The following ALPK2 variants were observed in gnomAD, a reference collection of about 807,000 sequenced individuals.
ALPK2 encodes the protein alpha kinase 2, also known as alpha-protein kinase 2.
A neutral mutation model predicts 163.1 loss-of-function variants in ALPK2; 127 were observed. The ratio of observed to expected loss-of-function variants is 0.78; its 90% confidence interval spans 0.67 to 0.90. The LOEUF is 0.90. ALPK2 is among the 40% of genes least tolerant of loss of function. The probability of loss-of-function intolerance (pLI) is 0.00; values close to 1 mark genes in which losing one functional copy is unlikely to be tolerated. For synonymous variants in ALPK2, 953 were observed against 959.1 expected (o/e 0.99, Z 0.12); for missense variants, 2,360 against 2,589.6 (o/e 0.91, Z 1.92).
rs748454585 is a variant in ALPK2 at position 58,491,867 on chromosome 18, G to A, written c.6296+6182C>T. ...CAGGTAATTGAGGTGAGGGAGAAGCGCGTCAGCATTCCCACTAGGTACAGG... is the reference window on the plus strand; with the variant it reads ...CAGGTAATTGAGGTGAGGGAGAAGCACGTCAGCATTCCCACTAGGTACAGG... On this transcript the variant is annotated intron_variant, in intron 12 of 12. Transcript: ENST00000361673. 3.9e-5 allele frequency among the ~76,000 whole-genome samples: 6 copies of A among 152,244 alleles called. No homozygotes were observed. The East Asian group carries it at 5.8e-4, about 15-fold the overall frequency.
chr18:58,512,964 GGTGT>G (rs1467619728), intron 10 of ALPK2, among the ~76,000 whole-genome samples: 5 of 136,804 alleles, frequency 3.7e-5, no homozygotes, highest in South Asian at 4.9e-4. Context: ...TTGTATGTGT[GGTGT>G]GTGTATGTGT....
At chr18:58,543,869 C>G (rs1458298944) in intron 4 of ALPK2, among the ~76,000 whole-genome samples, 2 of 152,168 alleles carry the variant, frequency 1.3e-5, no homozygotes, top group East Asian at 3.8e-4. Flanking sequence ...CCTTTCCAAC[C>G]CAGCATTTCT....
intron 10 of ALPK2, among the ~76,000 whole-genome samples, chr18:58,509,375 T>C (rs2051477968): frequency 6.6e-6 from 1 of 152,108 alleles, no homozygotes; most frequent in South Asian, 2.1e-4. Flanking sequence ...GCAGCATGAT[T>C]TATAATCCTT....
At chr18:58,550,431 C>T (rs1055550964) in intron 4 of ALPK2, among the ~76,000 whole-genome samples, 4 of 100,548 alleles carry the variant, frequency 4.0e-5, no homozygotes, top group Non-Finnish European at 8.7e-5. Flanking sequence ...ATATATGACT[C>T]TACCCCCATC....
chr18:58,537,412 T>G lies in ALPK2; in HGVS notation c.2775A>C (p.Val925=), dbSNP rs12963422. 587,388 of 1,613,472 alleles carry G rather than the reference T, an allele frequency of 0.36. 111,465 individuals are homozygous for G. Among genetic ancestry groups the G allele is most frequent in the East Asian group, 0.54 (24,204 of 44,830 alleles). The change falls in exon 5 of 13, where the codon GTA becomes GTC. Residue 925 remains valine, a synonymous_variant. Transcript: ENST00000361673. ...GGCTTGGCTGCTCCTGGCCAGCATG[T>G]ACTGTGGAGGCCAGTGGGTAGGTGG... ...ENSTYPLAST[V]HAGQEQPSPS... is the part of the protein sequence containing the mutation.
chr18:58,563,488 G>C (rs1313136586), intron 4 of ALPK2, among the ~76,000 whole-genome samples: 1 of 152,180 alleles, frequency 6.6e-6, no homozygotes, highest in African/African-American at 2.4e-5. Context: ...ATTTAGGCTA[G>C]AATTGGTGTG....
At chr18:58,502,861 C>A (rs576693863) in intron 11 of ALPK2, among the ~76,000 whole-genome samples, 7 of 152,382 alleles carry the variant, frequency 4.6e-5, no homozygotes, top group Admixed American at 3.9e-4. Context: ...ATGCCCCCAC[C>A]CAGAGCAGCC....
intron 3 of ALPK2, among the ~76,000 whole-genome samples, chr18:58,590,609 CA>C (rs912839926): frequency 7.2e-5 from 11 of 152,192 alleles, no homozygotes; most frequent in Admixed American, 2.0e-4. Context: ...CAACTGCTAT[CA>C]ATAATCATTT....
In ALPK2 at chr18:58,524,021, G is replaced by T; in HGVS notation, c.5543C>A (p.Ala1848Asp). Residue 1848 changes from alanine to aspartate, a missense_variant, in exon 7 of 13, where the codon GCC becomes GAC. Ala to Asp is a moderately radical substitution (Grantham distance 126). Transcript: ENST00000361673. ...NSTVSFAIVQ[A>D]SPKDQGLYYC... is the part of the protein sequence containing the mutation. The stretch of plus-strand genomic sequence containing the variant: ...ATAGAGTCCCTGGTCCTTCGGACTG[G>T]CTTGCACGATGGCAAAGGAAACAGT... The T allele has an allele frequency of 6.2e-7, 1 of 1,614,084 alleles. No individual in the cohort carries two copies. Among genetic ancestry groups the T allele is most frequent in the Non-Finnish European group, 8.5e-7 (1 of 1,179,958 alleles).
chr18:58,569,464 T>A (rs894766255), intron 4 of ALPK2, among the ~76,000 whole-genome samples: 7 of 152,190 alleles, frequency 4.6e-5, no homozygotes, highest in African/African-American at 7.2e-5. Flanking sequence ...ACTGGGGCTA[T>A]TGGAACTTCA....
At chr18:58,512,535 C>T (rs926655434) in intron 10 of ALPK2, among the ~76,000 whole-genome samples, 16 of 152,068 alleles carry the variant, frequency 1.1e-4, no homozygotes, top group African/African-American at 2.9e-4. Flanking sequence ...TCTCTCTAGA[C>T]GTGCAGGCTT....
intron 3 of ALPK2, among the ~76,000 whole-genome samples, chr18:58,604,317 C>T (rs2052087027): frequency 6.6e-6 from 1 of 152,178 alleles, no homozygotes; most frequent in Admixed American, 6.5e-5. Context: ...TAACAGCTAA[C>T]TTTTAATCTT....
rs774625285 is a variant in ALPK2 at position 58,536,625 on chromosome 18, C to G, written c.3562G>C (p.Gly1188Arg). Residue 1188 changes from glycine (G) to arginine (R), a missense_variant, in exon 5 of 13, where the codon GGT (glycine) becomes CGT (arginine). Gly to Arg is a moderately radical substitution (Grantham distance 125, BLOSUM62 -2). Transcript: ENST00000361673. ...ACCACGGAGACCCTCGTCCCCCAAC[C>G]TGAGCGCTGCCCTGCTCCTTCCCTA... ...SSREGAGQRSGWGTRVSVVAE... is the reference protein window; with the variant it reads ...SSREGAGQRSRWGTRVSVVAE... 3.5e-5 allele frequency: 56 copies of G among 1,614,080 alleles called. No individual in the cohort carries two copies. Among genetic ancestry groups the G allele is most frequent in the Non-Finnish European group, 4.3e-5 (51 of 1,180,048 alleles).
intron 4 of ALPK2, among the ~76,000 whole-genome samples, chr18:58,546,634 T>G (rs1262483579): frequency 6.6e-6 from 1 of 152,216 alleles, no homozygotes; most frequent in East Asian, 1.9e-4. Context: ...TTGAGGATTT[T>G]GGGTTGTACA....
In ALPK2 at chr18:58,538,128, T is replaced by G; in HGVS notation, c.2059A>C (p.Thr687Pro). 1 of 1,614,130 alleles carries G rather than the reference T, an allele frequency of 6.2e-7. No individual in the cohort carries two copies. Among genetic ancestry groups the G allele is most frequent in the South Asian group, 1.1e-5 (1 of 91,070 alleles). ...AGEESPFTGT[T>P]TISFSNLGGV... is the part of the protein sequence containing the mutation. ...CCTAAGTTTGAGAAGGAAATTGTTG[T>G]GGTCCCAGTGAATGGGGACTCCTCC... The change falls in exon 5 of 13, where the codon ACA becomes CCA. Residue 687 changes from threonine (T) to proline (P), a missense_variant. Thr to Pro is a conservative substitution (Grantham distance 38, BLOSUM62 -1). Transcript: ENST00000361673.
At chr18:58,572,796 C>T (rs1478093118) in intron 4 of ALPK2, among the ~76,000 whole-genome samples, 1 of 152,132 alleles carries the variant, frequency 6.6e-6, no homozygotes, top group East Asian at 1.9e-4. Flanking sequence ...CGTATCTTGA[C>T]TCTGGTAGTG....
chr18:58,563,018 A>G (rs866289864), intron 4 of ALPK2, among the ~76,000 whole-genome samples: 3 of 152,230 alleles, frequency 2.0e-5, no homozygotes, highest in South Asian at 2.1e-4. Context: ...TAGGGGTTAC[A>G]AACATTAGCC....
rs1182760733 is a variant in ALPK2 at position 58,481,767 on chromosome 18, T to A, written c.*56A>T. 18 of 1,444,440 alleles carry A rather than the reference T, an allele frequency of 1.2e-5. No individual in the cohort carries two copies. The highest frequency in any genetic ancestry group is 1.6e-5 in the Non-Finnish European group (17 of 1,031,058). 89.5% of individuals were successfully genotyped at this position (1,444,440 alleles called of 1,614,324 possible). On this transcript the variant is annotated 3_prime_UTR_variant, in exon 13 of 13. Coordinates refer to ENST00000361673, the MANE Select transcript of ALPK2 (RefSeq NM_052947.4). The stretch of plus-strand genomic sequence containing the variant: ...TATTCTCTCCTGTGTGGCCTCAGAT[T>A]TTCCCTGGCGAGATTGTGTGCTGCT...
intron 1 of ALPK2, among the ~76,000 whole-genome samples, chr18:58,615,634 A>G (rs1282827029): frequency 6.6e-6 from 1 of 152,168 alleles, no homozygotes; most frequent in Non-Finnish European, 1.5e-5. Flanking sequence ...TACCACAATG[A>G]TTCTTTTTTA....
Sources: gnomAD v4.1 joint callset for allele counts (sites outside exome capture counted in the v4.1 genomes callset) on GRCh38, gnomAD v4.1.1 for gene constraint, MANE v1.5 for transcripts, NCBI Gene and HGNC (gene_info 2026-07-23, HGNC 2026-07-21) for gene names.